The following UNC5C variants were observed in gnomAD, a reference collection of about 807,000 sequenced individuals.
UNC5C encodes netrin receptor UNC5C.
Under a neutral mutation model 99.8 loss-of-function variants are expected in UNC5C, and 47 were observed. That is an observed-to-expected ratio of 0.47 (90% confidence interval 0.37 to 0.60). The LOEUF is 0.60. Ranked by LOEUF, UNC5C falls within the 20% of genes least tolerant of loss-of-function variation. The probability of loss-of-function intolerance (pLI) is 0.00; values close to 1 mark genes in which losing one functional copy is unlikely to be tolerated. For missense variants in UNC5C, 1,062 were observed against 1,165.9 expected (o/e 0.91, Z 1.30); for synonymous variants, 487 against 452.2 (o/e 1.08, Z -0.98).
At chr4:95,288,861 A>T (rs1185846863) in intron 3 of UNC5C, among the ~76,000 whole-genome samples, 1 of 152,118 alleles carries the variant, frequency 6.6e-6, no homozygotes, top group Non-Finnish European at 1.5e-5. Context: ...AAATCTCTCC[A>T]TCTCAAGATT....
chr4:95,292,192 T>C (rs971967361), intron 3 of UNC5C, among the ~76,000 whole-genome samples: 48 of 146,294 alleles, frequency 3.3e-4, no homozygotes, highest in African/African-American at 1.2e-3. Flanking sequence ...TACATATATA[T>C]ATACACATAT....
intron 1 of UNC5C, among the ~76,000 whole-genome samples, chr4:95,506,890 GTTA>G (rs1721937693): frequency 6.7e-6 from 1 of 150,342 alleles, no homozygotes; most frequent in Admixed American, 6.6e-5. Context: ...GATTTTAAGG[GTTA>G]TTTATATTAA....
intron 1 of UNC5C, among the ~76,000 whole-genome samples, chr4:95,521,205 TTTTTCTTTTTTCTTTTTTC>T (rs1488896700): frequency 6.3e-4 from 60 of 94,718 alleles, no homozygotes; most frequent in African/African-American, 2.7e-3. Context: ...TCTTCTTTTT[TTTTTCTTTTTTCTTTTTTC>T]TTTTTTTTTT....
intron 12 of UNC5C, among the ~76,000 whole-genome samples, chr4:95,197,372 A>G (rs1468966710): frequency 2.6e-5 from 4 of 152,004 alleles, no homozygotes; most frequent in Non-Finnish European, 5.9e-5. Context: ...TCCCCAGCAC[A>G]TAGCAGTTAC....
At chr4:95,278,465 T>C in intron 3 of UNC5C, 103 bp from the exon 4 acceptor site, 2 of 833,184 alleles carry the variant, frequency 2.4e-6, no homozygotes, top group South Asian at 1.6e-5. Context: ...TCTGTGCTTT[T>C]TTTTCTTTCT....
At chr4:95,211,618 C>G (rs1004504305) in intron 10 of UNC5C, among the ~76,000 whole-genome samples, 1 of 152,206 alleles carries the variant, frequency 6.6e-6, no homozygotes, top group East Asian at 1.9e-4. Context: ...TAACTTAACA[C>G]ATTCCCTTCT....
intron 11 of UNC5C, among the ~76,000 whole-genome samples, chr4:95,203,187 G>C (rs1454029263): frequency 6.6e-6 from 1 of 152,004 alleles, no homozygotes; most frequent in Non-Finnish European, 1.5e-5. Flanking sequence ...TGCATTTTTT[G>C]ATCTTCTAAG....
At chr4:95,486,663 C>A (rs1721337813) in intron 1 of UNC5C, among the ~76,000 whole-genome samples, 1 of 151,414 alleles carries the variant, frequency 6.6e-6, no homozygotes, top group Non-Finnish European at 1.5e-5. Context: ...CTTGAGTTAC[C>A]CTCTGATGAA....
At chr4:95,433,643 G>A (rs1332460518) in intron 1 of UNC5C, among the ~76,000 whole-genome samples, 8 of 151,884 alleles carry the variant, frequency 5.3e-5, no homozygotes, top group African/African-American at 1.9e-4. Context: ...ATTTAAACAT[G>A]TATATCATTA....
At chr4:95,301,960 G>A (rs930199433) in intron 2 of UNC5C, among the ~76,000 whole-genome samples, 2 of 151,958 alleles carry the variant, frequency 1.3e-5, no homozygotes, top group South Asian at 2.1e-4. Flanking sequence ...CACATCTTCT[G>A]GATTATTCTG....
At chr4:95,171,414 C>T (rs1736102361) in intron 14 of UNC5C, among the ~76,000 whole-genome samples, 2 of 148,530 alleles carry the variant, frequency 1.3e-5, no homozygotes, top group South Asian at 4.4e-4. Context: ...CAACAGTCCC[C>T]AGAGTGTGAT....
chr4:95,197,135 A>ATACT lies in UNC5C; in HGVS notation c.2136+5592_2136+5595dup, dbSNP rs201695959. Reference sequence around the variant, plus strand: ...ATGTAATTATATATCTATAGGATATATACTTATATAAATAAATGTATTATC... The same window carrying ATACT: ...ATGTAATTATATATCTATAGGATATATACTTACTTATATAAATAAATGTATTATC... On this transcript the variant is annotated intron_variant, in intron 12 of 15. Coordinates refer to ENST00000453304, the MANE Select transcript of UNC5C (RefSeq NM_003728.4). Among the ~76,000 whole-genome samples the ATACT allele has an allele frequency of 8.3e-4, 107 of 128,822 alleles. 7 individuals are homozygous for ATACT. The highest frequency in any genetic ancestry group is 3.5e-3 in the African/African-American group (95 of 27,126). The allele number at this position is 128,822 out of a possible 152,430, so 84.5% of individuals were successfully genotyped here.
intron 1 of UNC5C, among the ~76,000 whole-genome samples, chr4:95,449,791 T>C (rs576542911): frequency 6.4e-4 from 98 of 152,358 alleles, no homozygotes; most frequent in African/African-American, 2.3e-3. Flanking sequence ...TTTAGTCTTA[T>C]ATTTATTGAA....
At chr4:95,345,994 A>C (rs1242200470) in intron 1 of UNC5C, among the ~76,000 whole-genome samples, 1 of 151,952 alleles carries the variant, frequency 6.6e-6, no homozygotes, top group Non-Finnish European at 1.5e-5. Flanking sequence ...GAAAAGAAAT[A>C]ATAAAGATCG....
chr4:95,465,916 A>G (rs528081913), intron 1 of UNC5C, among the ~76,000 whole-genome samples: 2 of 152,106 alleles, frequency 1.3e-5, no homozygotes, highest in Non-Finnish European at 2.9e-5. Context: ...TCTTTGCCAT[A>G]CTTTGACTGT....
intron 1 of UNC5C, among the ~76,000 whole-genome samples, chr4:95,341,805 C>T (rs1176377072): frequency 6.6e-6 from 1 of 152,126 alleles, no homozygotes; most frequent in Non-Finnish European, 1.5e-5. Flanking sequence ...TCTCCCAACT[C>T]CCAGCAGTAG....
intron 2 of UNC5C, among the ~76,000 whole-genome samples, chr4:95,326,306 T>A (rs1014358113): frequency 3.9e-5 from 6 of 152,114 alleles, no homozygotes; most frequent in African/African-American, 1.4e-4. Context: ...TTATTACAAT[T>A]TCAACATAAC....
At chr4:95,464,088 A>G (rs550555739) in intron 1 of UNC5C, among the ~76,000 whole-genome samples, 12 of 152,352 alleles carry the variant, frequency 7.9e-5, no homozygotes, top group Admixed American at 7.2e-4. Flanking sequence ...TTCACAAGGT[A>G]CCATTTCTAT....
intron 1 of UNC5C, among the ~76,000 whole-genome samples, chr4:95,374,198 C>T (rs904768612): frequency 6.6e-6 from 1 of 152,028 alleles, no homozygotes; most frequent in Non-Finnish European, 1.5e-5. Context: ...ATTTGCCGGG[C>T]TCAGGATAAG....
Sources: gnomAD v4.1 joint callset for allele counts (sites outside exome capture counted in the v4.1 genomes callset) on GRCh38, gnomAD v4.1.1 for gene constraint, MANE v1.5 for transcripts, NCBI Gene and HGNC (gene_info 2026-07-23, HGNC 2026-07-21) for gene names.